Variants in PCDHA12 observed in about 807,000 individuals in gnomAD.
The protein encoded by PCDHA12 is protocadherin alpha 12, also known as protocadherin alpha-12.
Under a neutral mutation model 60.0 loss-of-function variants are expected in PCDHA12, and 44 were observed. The ratio of observed to expected loss-of-function variants is 0.73; its 90% CI spans 0.58 to 0.94. The LOEUF (loss-of-function observed/expected upper bound fraction) is 0.94. Ranked by LOEUF, PCDHA12 falls within the 40% of genes least tolerant of loss-of-function variation. The probability of loss-of-function intolerance (pLI) is 0.00; values close to 1 mark genes in which losing one functional copy is unlikely to be tolerated. For missense variants in PCDHA12, 1,276 were observed against 1,239.7 expected (o/e 1.03, Z -0.44); for synonymous variants, 569 against 553.0 (o/e 1.03, Z -0.40).
chr5:140,937,521 G>A (rs1244752316), intron 1 of PCDHA12, among the ~76,000 whole-genome samples: 1 of 152,106 alleles, frequency 6.6e-6, no homozygotes, highest in Non-Finnish European at 1.5e-5. Context: ...GGAGGCTGAG[G>A]CAGGAGAATT....
At chr5:141,007,328 A>G (rs1018961755) in intron 3 of PCDHA12, among the ~76,000 whole-genome samples, 1 of 149,092 alleles carries the variant, frequency 6.7e-6, no homozygotes, top group African/African-American at 2.5e-5. Context: ...AAGTGGACAG[A>G]TTGCCTGAGC....
chr5:140,897,227 C>T (rs1554187259), intron 1 of PCDHA12, among the ~76,000 whole-genome samples: 1 of 152,036 alleles, frequency 6.6e-6, no homozygotes, highest in Non-Finnish European at 1.5e-5. Flanking sequence ...TACATGTGCA[C>T]AATGTGCAGG....
At chr5:140,971,743 A>G (rs979953004) in intron 1 of PCDHA12, among the ~76,000 whole-genome samples, 1 of 151,474 alleles carries the variant, frequency 6.6e-6, no homozygotes, top group African/African-American at 2.4e-5. Flanking sequence ...ACACATACAT[A>G]TATCTCATAT....
At chr5:140,969,249 ACAG>A in intron 1 of PCDHA12, 1 of 1,614,240 alleles carries the variant, frequency 6.2e-7, no homozygotes, top group Non-Finnish European at 8.5e-7. Flanking sequence ...GCAGTGACTG[ACAG>A]CAGGAATCTC....
Position 140,876,950 on chromosome 5 carries a change from C to A in PCDHA12, c.1478C>A (p.Ser493Ter). 6.2e-7 allele frequency: 1 copy of A among 1,613,514 alleles called. No individual in the cohort carries two copies. The highest frequency in any genetic ancestry group is 8.5e-7 in the Non-Finnish European group (1 of 1,179,868). The change falls in exon 1 of 4, where the codon TCG becomes TAG. Residue 493 changes from serine to a stop codon, truncating the protein, a stop_gained. Transcript: ENST00000398631. LOFTEE classifies it high-confidence loss of function. ...CAGAAGAACGCGCTGGTGTCCTACT[C>A]GCTGGTGGAGCGGCGGGTGGGCGAG... ...DAQKNALVSY[S>*]LVERRVGEHA...
intron 1 of PCDHA12, among the ~76,000 whole-genome samples, chr5:140,886,084 G>C (rs1554182347): frequency 6.6e-6 from 1 of 152,140 alleles, no homozygotes; most frequent in East Asian, 1.9e-4. Flanking sequence ...CCACAACCTG[G>C]ATATTGACAT....
intron 3 of PCDHA12, among the ~76,000 whole-genome samples, chr5:140,983,328 T>G (rs1214241110): frequency 6.6e-6 from 1 of 152,218 alleles, no homozygotes; most frequent in East Asian, 1.9e-4. Flanking sequence ...ATTCTTGCCC[T>G]ATCACTAAAG....
At chr5:140,972,005 C>T (rs1236779874) in intron 1 of PCDHA12, among the ~76,000 whole-genome samples, 1 of 151,980 alleles carries the variant, frequency 6.6e-6, no homozygotes, top group Admixed American at 6.6e-5. Flanking sequence ...GTTTATATTC[C>T]CTTTTATATG....
chr5:140,900,424 C>T (rs557118930), intron 1 of PCDHA12, among the ~76,000 whole-genome samples: 151 of 152,214 alleles, frequency 9.9e-4, no homozygotes, highest in African/African-American at 3.3e-3. Flanking sequence ...ATTATAGGCA[C>T]GTGCCACCAC....
At chr5:140,966,998 C>A in intron 1 of PCDHA12, 1 of 1,604,774 alleles carries the variant, frequency 6.2e-7, no homozygotes, top group Non-Finnish European at 8.5e-7. Flanking sequence ...GGGTTGCTTG[C>A]GCATCAACCA....
chr5:140,986,732 C>T (rs1427962629), intron 3 of PCDHA12, among the ~76,000 whole-genome samples: 1 of 152,150 alleles, frequency 6.6e-6, no homozygotes, highest in African/African-American at 2.4e-5. Context: ...CTTCTCAAGA[C>T]CCCAGGGGAT....
rs183715022 is a variant in PCDHA12 at position 140,950,136 on chromosome 5, A to G, written c.2368-28813A>G. Among the ~76,000 whole-genome samples, 19 of 152,068 alleles carry G rather than the reference A, an allele frequency of 1.2e-4. No individual in the cohort carries two copies. The East Asian group carries it at 3.7e-3, about 29-fold the overall frequency. ...AATACAAAACCCACAAGACACAGTT[A>G]TAATTTTTGTTTAAGCAGTTATTAT... On this transcript the variant is annotated intron_variant, in intron 1 of 3. Transcript: ENST00000398631.
intron 3 of PCDHA12, among the ~76,000 whole-genome samples, chr5:141,007,395 CAAAAAAA>C (rs35800918): frequency 2.2e-3 from 204 of 94,846 alleles, no homozygotes; most frequent in African/African-American, 7.3e-3. Flanking sequence ...TACTAAAATA[CAAAAAAA>C]AAAAAAAAAA....
Position 140,877,503 on chromosome 5 carries a change from G to T in PCDHA12, c.2031G>T (p.Lys677Asn). The T allele has an allele frequency of 6.2e-7, 1 of 1,613,834 alleles. No individual in the cohort carries two copies. The change falls in exon 1 of 4, where the codon AAG becomes AAT. Residue 677 changes from lysine (K) to asparagine (N), a missense_variant. Lys to Asn is a moderately conservative substitution (Grantham distance 94). Transcript: ENST00000398631. ...TGGTGGAGAACGGCCAGGCCCCAAA[G>T]ACGTCGTCGCGGGCCTCAGTGGGCG... ...VSLVENGQAP[K>N]TSSRASVGAV...
intron 1 of PCDHA12, chr5:140,927,418 C>A: frequency 6.2e-7 from 1 of 1,614,106 alleles, no homozygotes; most frequent in Non-Finnish European, 8.5e-7. Flanking sequence ...CATGGGATCG[C>A]GGGTTGACGG....
At chr5:140,893,880 G>T (rs1426434148) in intron 1 of PCDHA12, among the ~76,000 whole-genome samples, 1 of 152,090 alleles carries the variant, frequency 6.6e-6, no homozygotes, top group African/African-American at 2.4e-5. Flanking sequence ...ATCCAAAGTG[G>T]CCAGAAAGTT....
chr5:140,928,066 G>A lies in PCDHA12; in HGVS notation c.2367+50227G>A, dbSNP rs376048656. On this transcript the variant is annotated intron_variant, in intron 1 of 3. Transcript: ENST00000398631. ...CCCTTTTCAGCTGACGGCTTCCTTT[G>A]ACAACTACTACAGCCTGCTGATTGA... 8.7e-6 allele frequency: 14 copies of A among 1,614,036 alleles called. No individual in the cohort carries two copies. In the African/African-American group the frequency reaches 1.9e-4, roughly 22 times the overall value.
chr5:140,948,403 T>A (rs2153683270), intron 1 of PCDHA12, among the ~76,000 whole-genome samples: 1 of 151,756 alleles, frequency 6.6e-6, no homozygotes, highest in Non-Finnish European at 1.5e-5. Context: ...GGTTGTGTAA[T>A]ATTGGTGTTA....
intron 1 of PCDHA12, among the ~76,000 whole-genome samples, chr5:140,907,756 C>A (rs183321184): frequency 6.6e-6 from 1 of 152,146 alleles, no homozygotes; most frequent in African/African-American, 2.4e-5. Flanking sequence ...TGTTCATGGG[C>A]CCATTGGGTG....
Sources: allele counts gnomAD v4.1 joint callset (sites outside exome capture counted in the v4.1 genomes callset), GRCh38; gene constraint gnomAD v4.1.1; transcripts MANE v1.5; gene names NCBI Gene and HGNC (gene_info 2026-07-23, HGNC 2026-07-21).